NRXN3: variants seen among roughly 807,000 people sequenced by gnomAD.
The protein encoded by NRXN3 is neurexin III.
Under a neutral mutation model 137.6 loss-of-function variants are expected in NRXN3, and 32 were observed. The ratio of observed to expected loss-of-function variants is 0.23; its 90% CI spans 0.18 to 0.31. The LOEUF (loss-of-function observed/expected upper bound fraction) is 0.31. Among genes scored for constraint, NRXN3 ranks in the 10% least tolerant of loss-of-function variants. The pLI is 1.00. For synonymous variants in NRXN3, 798 were observed against 784.5 expected (o/e 1.02, Z -0.29); for missense variants, 1,574 against 2,062.5 (o/e 0.76, Z 4.59).
Position 79,691,833 on chromosome 14 carries a change from T to C in NRXN3, c.3617-340T>C, listed in dbSNP as rs906336673. 2.4e-4 allele frequency among the ~76,000 whole-genome samples: 37 copies of C among 152,012 alleles called. 1 individual carries two copies. The highest frequency in any genetic ancestry group is 1.5e-5 in the Non-Finnish European group (1 of 67,966). On this transcript the variant is annotated intron_variant, in intron 17 of 20. Transcript: ENST00000335750. Reference sequence around the variant, plus strand: ...ATCTGGCAGGTGAATTAGTCATGGGTCAAGGAGATCCTTGTGTCTCAACTG... The same window carrying C: ...ATCTGGCAGGTGAATTAGTCATGGGCCAAGGAGATCCTTGTGTCTCAACTG...
chr14:78,316,311 G>A (rs557498787), intron 4 of NRXN3, among the ~76,000 whole-genome samples: 1 of 152,168 alleles, frequency 6.6e-6, no homozygotes, highest in South Asian at 2.1e-4. Flanking sequence ...AGCTGTGGGG[G>A]TAGGGTGGAC....
At chr14:79,823,961 T>C (rs2099280905) in intron 20 of NRXN3, 1 of 434,474 alleles carries the variant, frequency 2.3e-6, no homozygotes, top group Non-Finnish European at 4.8e-6. Context: ...CAAGCTATCC[T>C]GTAAATGACC....
chr14:78,171,146 G>A lies in NRXN3; in HGVS notation c.-704+472G>A, dbSNP rs1002507840. Among the ~76,000 whole-genome samples, 5 of 150,418 alleles carry A rather than the reference G, an allele frequency of 3.3e-5. No individual in the cohort carries two copies. In the South Asian group the frequency reaches 1.1e-3, roughly 32 times the overall value. ...AGAAAGGACACTCTGAGGATCACAA[G>A]AAAACAAAATTGAATTGAGACAGGG... On this transcript the variant is annotated intron_variant, in intron 1 of 20. Transcript: ENST00000335750.
intron 15 of NRXN3, among the ~76,000 whole-genome samples, chr14:79,215,206 A>T (rs1177058092): frequency 6.6e-6 from 1 of 152,218 alleles, no homozygotes; most frequent in Non-Finnish European, 1.5e-5. Context: ...TCCTAAAGAT[A>T]TAACTTTCCT....
chr14:79,016,721 G>C (rs2099579847), intron 15 of NRXN3, among the ~76,000 whole-genome samples: 1 of 152,186 alleles, frequency 6.6e-6, no homozygotes, highest in Non-Finnish European at 1.5e-5. Flanking sequence ...TTGTCTAACT[G>C]AATGACCCTG....
intron 15 of NRXN3, among the ~76,000 whole-genome samples, chr14:79,094,969 A>AGT (rs1234872548): frequency 1.0e-5 from 1 of 99,336 alleles, no homozygotes; most frequent in African/African-American, 3.4e-5. Context: ...AGAGAGAGAG[A>AGT]GAGAGAGAGA....
intron 4 of NRXN3, among the ~76,000 whole-genome samples, chr14:78,357,114 GACAT>G (rs1474389187): frequency 1.3e-5 from 2 of 152,144 alleles, no homozygotes; most frequent in Non-Finnish European, 1.5e-5. Flanking sequence ...TGCTGATAAA[GACAT>G]ACCTGCGACT....
At chr14:79,160,686 C>T (rs1197658691) in intron 15 of NRXN3, among the ~76,000 whole-genome samples, 1 of 151,792 alleles carries the variant, frequency 6.6e-6, no homozygotes, top group African/African-American at 2.4e-5. Flanking sequence ...AAAACACTTG[C>T]CATCTGCAAT....
At chr14:79,713,367 A>G (rs1052026015) in intron 19 of NRXN3, among the ~76,000 whole-genome samples, 3 of 149,336 alleles carry the variant, frequency 2.0e-5, no homozygotes, top group African/African-American at 7.3e-5. Flanking sequence ...GAGCTAAGCT[A>G]TTACTAAACT....
chr14:78,601,598 A>G (rs927671415), intron 4 of NRXN3, among the ~76,000 whole-genome samples: 4 of 151,770 alleles, frequency 2.6e-5, no homozygotes, highest in East Asian at 1.9e-4. Context: ...GACTACAGGT[A>G]CCCGCCACCA....
rs906119019 is a variant in NRXN3, at chr14:79,805,108, A to G, written c.4015-4A>G. 6.2e-7 allele frequency: 1 copy of G among 1,607,774 alleles called. No homozygotes were observed. Among genetic ancestry groups the G allele is most frequent in the Non-Finnish European group, 8.5e-7 (1 of 1,175,800 alleles). ...CCCCATTATTTTCTCTTTGACATAA[A>G]CAGCCAACATCAGATGATCTTGTTT... is the stretch of plus-strand genomic sequence containing the variant. On this transcript the variant is annotated splice_region_variant and splice_polypyrimidine_tract_variant and intron_variant, in intron 19 of 20. Coordinates refer to ENST00000335750, the MANE Select transcript of NRXN3 (RefSeq NM_001330195.2).
intron 15 of NRXN3, among the ~76,000 whole-genome samples, chr14:79,224,552 C>A (rs996881780): frequency 2.0e-5 from 3 of 152,068 alleles, no homozygotes; most frequent in African/African-American, 7.2e-5. Context: ...AAAGAGATGC[C>A]AAAATCTAGG....
intron 16 of NRXN3, among the ~76,000 whole-genome samples, chr14:79,547,706 G>C (rs1440844927): frequency 2.6e-5 from 4 of 152,122 alleles, no homozygotes; most frequent in Non-Finnish European, 4.4e-5. Context: ...TGGGGAGCTG[G>C]ATAGCATTTA....
At chr14:79,452,488 A>G (rs1333018486) in intron 15 of NRXN3, among the ~76,000 whole-genome samples, 6 of 152,188 alleles carry the variant, frequency 3.9e-5, no homozygotes, top group Non-Finnish European at 8.8e-5. Context: ...ATGAGTTTTT[A>G]TAGACTCACA....
At chr14:78,420,683 A>G (rs1265938936) in intron 4 of NRXN3, among the ~76,000 whole-genome samples, 1 of 152,248 alleles carries the variant, frequency 6.6e-6, no homozygotes, top group East Asian at 1.9e-4. Flanking sequence ...CTTAAGGTCC[A>G]CTTCAATTTA....
chr14:78,607,226 T>A (rs538789247), intron 4 of NRXN3, among the ~76,000 whole-genome samples: 1 of 152,364 alleles, frequency 6.6e-6, no homozygotes, highest in East Asian at 1.9e-4. Context: ...CAGTGGCATA[T>A]TTTATTCATT....
At chr14:79,282,393 C>A (rs971842454) in intron 15 of NRXN3, among the ~76,000 whole-genome samples, 35 of 152,018 alleles carry the variant, frequency 2.3e-4, no homozygotes, top group African/African-American at 6.5e-4. Flanking sequence ...GTGGCAGGGT[C>A]TTGATATCTT....
At chr14:79,259,162 G>T (rs2077183563) in intron 15 of NRXN3, among the ~76,000 whole-genome samples, 1 of 152,292 alleles carries the variant, frequency 6.6e-6, no homozygotes, top group African/African-American at 2.4e-5. Flanking sequence ...TTGTAAAACA[G>T]TCCCAGCATC....
intron 16 of NRXN3, among the ~76,000 whole-genome samples, chr14:79,515,206 A>G (rs1443909710): frequency 6.6e-6 from 1 of 150,580 alleles, no homozygotes; most frequent in Non-Finnish European, 1.5e-5. Context: ...ATACCTGTGA[A>G]AAGTAGGGAA....
Sources: gnomAD v4.1 joint callset for allele counts (sites outside exome capture counted in the v4.1 genomes callset) on GRCh38, gnomAD v4.1.1 for gene constraint, MANE v1.5 for transcripts, NCBI Gene and HGNC (gene_info 2026-07-23, HGNC 2026-07-21) for gene names.